The following GRM8 variants were observed in gnomAD, a reference collection of about 807,000 sequenced individuals.
GRM8 encodes the protein glutamate metabotropic receptor 8, also known as metabotropic glutamate receptor 8.
A neutral mutation model predicts 87.2 loss-of-function variants in GRM8; 47 were observed. The observed-to-expected ratio is 0.54, with a 90% CI of 0.43 to 0.69. The LOEUF (loss-of-function observed/expected upper bound fraction) is 0.69. Among genes scored for constraint, GRM8 ranks in the 30% least tolerant of loss-of-function variants. The probability of loss-of-function intolerance (pLI) is 0.00; values close to 1 mark genes in which losing one functional copy is unlikely to be tolerated. For missense variants in GRM8, 1,019 were observed against 1,139.2 expected (o/e 0.89, Z 1.52); for synonymous variants, 396 against 404.5 (o/e 0.98, Z 0.25).
intron 9 of GRM8, among the ~76,000 whole-genome samples, chr7:126,504,420 T>C (rs934523850): frequency 5.9e-5 from 9 of 152,108 alleles, no homozygotes; most frequent in Admixed American, 1.3e-4. Flanking sequence ...ATTTATTTCC[T>C]ATTTTCTACA....
chr7:126,870,277 C>G (rs1317579985), intron 6 of GRM8: 1 of 152,164 alleles, frequency 6.6e-6, no homozygotes, highest in Non-Finnish European at 1.5e-5. Flanking sequence ...ATGCAGACCA[C>G]TCAGACTTCC....
intron 2 of GRM8, among the ~76,000 whole-genome samples, chr7:127,228,166 C>T (rs1383839428): frequency 2.6e-5 from 4 of 152,126 alleles, no homozygotes; most frequent in Admixed American, 2.6e-4. Flanking sequence ...CTTTTGAGTC[C>T]ATCAGACACA....
chr7:126,728,616 T>G (rs879880393), intron 7 of GRM8, among the ~76,000 whole-genome samples: 1 of 152,074 alleles, frequency 6.6e-6, no homozygotes, highest in Non-Finnish European at 1.5e-5. Context: ...AATAAAAACA[T>G]ACAGTAACTT....
intron 7 of GRM8, among the ~76,000 whole-genome samples, chr7:126,651,608 C>T (rs1803877784): frequency 6.6e-6 from 1 of 152,102 alleles, no homozygotes; most frequent in African/African-American, 2.4e-5. Context: ...AGGAATGCTG[C>T]CACCAGGAAA....
intron 6 of GRM8, among the ~76,000 whole-genome samples, chr7:126,800,403 T>A (rs1321938480): frequency 6.6e-6 from 1 of 152,244 alleles, no homozygotes; most frequent in East Asian, 1.9e-4. Flanking sequence ...TTCCCCCCAT[T>A]TTTCCCATTT....
At chr7:126,903,498 A>T (rs1196643553) in intron 5 of GRM8, among the ~76,000 whole-genome samples, 2 of 151,390 alleles carry the variant, frequency 1.3e-5, no homozygotes, top group Non-Finnish European at 2.9e-5. Context: ...AATTACTAAC[A>T]TAATGGAAAT....
chr7:127,222,676 A>G (rs1236654397), intron 2 of GRM8, among the ~76,000 whole-genome samples: 1 of 152,246 alleles, frequency 6.6e-6, no homozygotes, highest in Non-Finnish European at 1.5e-5. Context: ...GCTTTGTAAC[A>G]ATAATGGCTA....
intron 8 of GRM8, among the ~76,000 whole-genome samples, chr7:126,566,850 T>C (rs1794260340): frequency 6.6e-6 from 1 of 152,174 alleles, no homozygotes; most frequent in Admixed American, 6.5e-5. Context: ...TTTATCTTTT[T>C]TAAAGAGGAA....
At chr7:126,786,144 C>T (rs1820602551) in intron 6 of GRM8, among the ~76,000 whole-genome samples, 2 of 152,146 alleles carry the variant, frequency 1.3e-5, no homozygotes, top group Non-Finnish European at 2.9e-5. Flanking sequence ...ATAATGACCT[C>T]CTACTTCAAA....
chr7:126,677,974 T>G, intron 7 of GRM8, among the ~76,000 whole-genome samples: 1 of 152,278 alleles, frequency 6.6e-6, no homozygotes, highest in South Asian at 2.1e-4. Flanking sequence ...GACTGATAAC[T>G]AGGGGCATGG....
chr7:127,208,015 C>G (rs886425735), intron 2 of GRM8, among the ~76,000 whole-genome samples: 2 of 152,114 alleles, frequency 1.3e-5, no homozygotes, highest in Non-Finnish European at 2.9e-5. Context: ...CAGATGCTGA[C>G]CCCCGGCCGA....
intron 7 of GRM8, among the ~76,000 whole-genome samples, chr7:126,627,806 T>C (rs1189052661): frequency 2.6e-5 from 4 of 152,346 alleles, no homozygotes; most frequent in Admixed American, 2.6e-4. Flanking sequence ...TAATGAATTA[T>C]ATTTCTATAT....
chr7:126,747,711 C>T (rs1296617923), intron 7 of GRM8, among the ~76,000 whole-genome samples: 1 of 151,850 alleles, frequency 6.6e-6, no homozygotes, highest in Non-Finnish European at 1.5e-5. Context: ...AATATTCTTC[C>T]TATTTTCTCC....
At chr7:126,629,825 C>T (rs1801076684) in intron 7 of GRM8, among the ~76,000 whole-genome samples, 2 of 152,034 alleles carry the variant, frequency 1.3e-5, no homozygotes, top group South Asian at 4.1e-4. Flanking sequence ...CAATGTGGAG[C>T]ATAATTAAAA....
chr7:127,182,768 C>T (rs149818911), intron 2 of GRM8, among the ~76,000 whole-genome samples: 183 of 151,158 alleles, frequency 1.2e-3, no homozygotes, highest in African/African-American at 4.1e-3. Context: ...AGATTGGAGA[C>T]GATTATTCTA....
At chr7:126,864,008 AACTT>A (rs1798374380) in intron 6 of GRM8, among the ~76,000 whole-genome samples, 2 of 146,882 alleles carry the variant, frequency 1.4e-5, no homozygotes, top group Non-Finnish European at 3.0e-5. Context: ...ATACTTGGTT[AACTT>A]ACTTTATCTT....
intron 6 of GRM8, among the ~76,000 whole-genome samples, chr7:126,824,247 A>G (rs2130239849): frequency 6.6e-6 from 1 of 152,292 alleles, no homozygotes; most frequent in East Asian, 1.9e-4. Flanking sequence ...GGGTGAATTT[A>G]TAGCAATGGG....
At chr7:127,009,065 A>G (rs1378754532) in intron 3 of GRM8, among the ~76,000 whole-genome samples, 1 of 151,574 alleles carries the variant, frequency 6.6e-6, no homozygotes, top group Non-Finnish European at 1.5e-5. Context: ...GGGGAAACCA[A>G]TGATCCAGTT....
chr7:127,107,610 A>G (rs1825929038), intron 2 of GRM8, among the ~76,000 whole-genome samples: 1 of 152,200 alleles, frequency 6.6e-6, no homozygotes, highest in Non-Finnish European at 1.5e-5. Flanking sequence ...TGAAAAAATT[A>G]ACTTTATGCT....
Sources: allele counts gnomAD v4.1 joint callset (sites outside exome capture counted in the v4.1 genomes callset), GRCh38; gene constraint gnomAD v4.1.1; transcripts MANE v1.5; gene names NCBI Gene and HGNC (gene_info 2026-07-23, HGNC 2026-07-21).